The following HNRNPH1 variants were observed in gnomAD, a reference collection of about 807,000 sequenced individuals.
The protein encoded by HNRNPH1 is heterogeneous nuclear ribonucleoprotein H1.
Under a neutral mutation model 58.6 loss-of-function variants are expected in HNRNPH1, and 4 were observed. That is an observed-to-expected ratio of 0.07 (90% confidence interval 0.03 to 0.16). The LOEUF (loss-of-function observed/expected upper bound fraction) is 0.16. HNRNPH1 is among the 10% of genes least tolerant of loss of function. HNRNPH1 has a pLI of 1.00. For synonymous variants in HNRNPH1, 192 were observed against 189.2 expected, an observed-to-expected ratio of 1.01 and a Z score of -0.12; for missense variants, 271 against 564.2, an observed-to-expected ratio of 0.48 and a Z score of 5.26.
rs186382123 is a variant in HNRNPH1 at position 179,624,607 on chromosome 5, C to T, written c.-1474G>A. The T allele has an allele frequency of 8.3e-4, 332 of 398,738 alleles. 3 individuals carry two copies. Among genetic ancestry groups the T allele is most frequent in the African/African-American group, 6.2e-3 (301 of 48,762 alleles). The allele number at this position is 398,738 out of a possible 1,614,324, so 24.7% of individuals were successfully genotyped here. A position where few individuals can be genotyped will look rare whatever the true frequency, so the allele number is the denominator to read the frequency against. On this transcript the variant is annotated 5_prime_UTR_variant, in exon 1 of 13. Transcript: ENST00000356731. ...CGTAGACGCTGCATTCGAGGAGGCC[C>T]CCGGGTCACCCCATGTGCACACATG...
chr5:179,617,151 A>G, intron 8 of HNRNPH1, 41 bp from the exon 10 acceptor site: 1 of 1,574,666 alleles, frequency 6.4e-7, no homozygotes, highest in Non-Finnish European at 8.7e-7. Context: ...TTTGTTGGTG[A>G]AACAAAACAG....
chr5:179,625,457 C>T (rs1196744007), upstream of HNRNPH1, among the ~76,000 whole-genome samples: 1 of 149,348 alleles, frequency 6.7e-6, no homozygotes, highest in Non-Finnish European at 1.5e-5. Flanking sequence ...ACACCACTGC[C>T]CTCCAGCCTG....
chr5:179,616,729 G>T, intron 10 of HNRNPH1, 140 bp downstream of exon 11: 1 of 712,498 alleles, frequency 1.4e-6, no homozygotes, highest in South Asian at 1.9e-5. Context: ...AAGTAAGCCA[G>T]ATACAAAACT....
intron 4 of HNRNPH1, chr5:179,619,051 TCA>T (rs1771101813): frequency 2.5e-6 from 1 of 405,768 alleles, no homozygotes; most frequent in Non-Finnish European, 4.5e-6. Context: ...TTAATAAGAC[TCA>T]CAAAATTGTC....
At chr5:179,623,992 G>A (rs1308992204) in exon 1 of HNRNPH1, 4 of 153,048 alleles carry the variant, frequency 2.6e-5, no homozygotes, top group African/African-American at 9.6e-5. Context: ...CAGCGTGGGG[G>A]AGGGGAATGG....
At chr5:179,620,451 TAA>T (rs988504192) in intron 3 of HNRNPH1, among the ~76,000 whole-genome samples, 10 of 152,362 alleles carry the variant, frequency 6.6e-5, no homozygotes, top group African/African-American at 2.2e-4. Flanking sequence ...ACTTTTGCAT[TAA>T]AGAGAATTAG....
chr5:179,617,174 T>A (rs1030945204), intron 8 of HNRNPH1, 64 bp from the exon 10 acceptor site: 32 of 1,508,786 alleles, frequency 2.1e-5, no homozygotes, highest in Non-Finnish European at 2.8e-5. Flanking sequence ...TAAGCACTTT[T>A]ATAAAGTTTT....
chr5:179,619,634 T>C (rs1220335515), intron 3 of HNRNPH1: 6 of 326,210 alleles, frequency 1.8e-5, no homozygotes, highest in African/African-American at 6.4e-5. Context: ...TAAAAAAAAC[T>C]TGCTGAACAC....
At chr5:179,615,882 G>C (rs896206448) in intron 11 of HNRNPH1, 1 of 527,644 alleles carries the variant, frequency 1.9e-6, no homozygotes, top group African/African-American at 1.9e-5. Flanking sequence ...TTAATTCAAA[G>C]AACACTTCCC....
chr5:179,618,725 CGCCAATAAATACCCCA>C (rs1042437738), intron 4 of HNRNPH1: 2 of 166,110 alleles, frequency 1.2e-5, no homozygotes, highest in Non-Finnish European at 1.3e-5. Flanking sequence ...CATTTCCTTT[CGCCAATAAATACCCCA>C]GCCTATGCTT....
chr5:179,629,115 G>GGA, upstream of HNRNPH1: 1 of 149,398 alleles, frequency 6.7e-6, no homozygotes, highest in South Asian at 2.1e-4. Flanking sequence ...GGATAACACA[G>GGA]TGAAACCCCG....
exon 8 of HNRNPH1, chr5:179,617,521 T>A: frequency 6.2e-7 from 1 of 1,613,644 alleles, no homozygotes; most frequent in Non-Finnish European, 8.5e-7. Flanking sequence ...TACGCATATT[T>A]GCTTTGTCTT....
chr5:179,628,744 A>C (rs546098166), upstream of HNRNPH1, among the ~76,000 whole-genome samples: 3 of 152,188 alleles, frequency 2.0e-5, no homozygotes, highest in South Asian at 6.2e-4. Flanking sequence ...GTTCCAGACT[A>C]ACCTGGCCAA....
At chr5:179,624,552 G>C in exon 1 of HNRNPH1, 1 of 398,780 alleles carries the variant, frequency 2.5e-6, no homozygotes, top group Non-Finnish European at 4.4e-6. Context: ...TCCCAGAGCA[G>C]AATTGGTAAG....
chr5:179,617,950 T>C lies in HNRNPH1; in HGVS notation c.788-18A>G. ...ATTGAGGTCTAGATGGACAAGAGTG[T>C]AAGCATCCTTCAACTGAGAAATTCA... On this transcript the variant is annotated intron_variant, in intron 6 of 12. Transcript: ENST00000356731. 1 of 1,614,014 alleles carries C rather than the reference T, an allele frequency of 6.2e-7. No individual in the cohort carries two copies. The highest frequency in any genetic ancestry group is 8.5e-7 in the Non-Finnish European group (1 of 1,179,856).
chr5:179,616,736 A>C, intron 10 of HNRNPH1, 133 bp downstream of exon 11: 5 of 752,214 alleles, frequency 6.6e-6, no homozygotes, highest in Non-Finnish European at 1.1e-5. Context: ...CCAGATACAA[A>C]ACTCAAATAT....
At chr5:179,624,611 G>C in exon 1 of HNRNPH1, 2 of 398,702 alleles carry the variant, frequency 5.0e-6, no homozygotes, top group African/African-American at 2.1e-5. Context: ...GAGGCCCCCG[G>C]GTCACCCCAT....
chr5:179,616,381 T>C (rs560198866), intron 10 of HNRNPH1, 163 bp from the exon 12 acceptor site: 4 of 631,420 alleles, frequency 6.3e-6, no homozygotes, highest in Admixed American at 5.1e-5. Flanking sequence ...CACCCTTCTA[T>C]CCATCATTTG....
At chr5:179,621,694 CAGA>C (rs1772425190) in intron 1 of HNRNPH1, 2 of 421,804 alleles carry the variant, frequency 4.7e-6, no homozygotes, top group African/African-American at 4.0e-5. Flanking sequence ...ATCAATTTCT[CAGA>C]AGATTATCAA....
Sources: gnomAD v4.1 joint callset for allele counts (sites outside exome capture counted in the v4.1 genomes callset) on GRCh38, gnomAD v4.1.1 for gene constraint, MANE v1.5 for transcripts, NCBI Gene and HGNC (gene_info 2026-07-23, HGNC 2026-07-21) for gene names.